NCOA2: variants seen among roughly 807,000 people sequenced by gnomAD.
NCOA2 encodes nuclear receptor coactivator 2, also known as class E basic helix-loop-helix protein 75.
In NCOA2, 21 loss-of-function variants were observed where a neutral mutation model predicts 145.1. The observed-to-expected ratio is 0.14, with a 90% CI of 0.10 to 0.21. The LOEUF is 0.21. NCOA2 is among the 10% of genes least tolerant of loss of function. The pLI, the probability that NCOA2 is intolerant of heterozygous loss-of-function variation, is 1.00. For missense variants in NCOA2, 1,472 were observed against 1,837.6 expected, an observed-to-expected ratio of 0.80 and a Z score of 3.64; for synonymous variants, 619 against 637.5, an observed-to-expected ratio of 0.97 and a Z score of 0.44.
intron 13 of NCOA2, among the ~76,000 whole-genome samples, chr8:70,142,359 G>T (rs1810539368): frequency 6.6e-6 from 1 of 152,206 alleles, no homozygotes; most frequent in African/African-American, 2.4e-5. Flanking sequence ...CTTACGAAAT[G>T]AGAATGTGCT....
chr8:70,129,987 C>T (rs1381681977), intron 16 of NCOA2, among the ~76,000 whole-genome samples: 2 of 152,158 alleles, frequency 1.3e-5, no homozygotes, highest in African/African-American at 4.8e-5. Flanking sequence ...TTCTTTAGCT[C>T]AGCGTTGTCC....
At position 70,132,046 on chromosome 8, in the gene NCOA2, T is replaced by C. The variant is rs768975986; in HGVS notation, c.3159-44A>G. On this transcript the variant is annotated intron_variant, in intron 15 of 22. Transcript: ENST00000452400. Reference sequence around the variant, plus strand: ...CACCTTGGGCCAATGGAAAAGCTAGTTGATTAGAGAACAAATTCTTTATCT... The same window carrying C: ...CACCTTGGGCCAATGGAAAAGCTAGCTGATTAGAGAACAAATTCTTTATCT... 15 of 1,570,418 alleles carry C rather than the reference T, an allele frequency of 9.6e-6. No homozygotes were observed. In the East Asian group the frequency reaches 1.8e-4, roughly 19 times the overall value.
rs552442102 is a variant in NCOA2 at position 70,273,324 on chromosome 8, C to T, written c.-20+23420G>A. ...TCTCAGCTGGTTCCCCCGAGACCCC[C>T]TGAGCACCAACCCTAGTCCCCCGCG... is the stretch of plus-strand genomic sequence containing the variant. On this transcript the variant is annotated intron_variant, in intron 2 of 22. Transcript: ENST00000452400. 1.6e-5 allele frequency: 5 copies of T among 319,094 alleles called. No individual in the cohort carries two copies. In the East Asian group the frequency reaches 3.4e-4, roughly 22 times the overall value. 19.8% of individuals were successfully genotyped at this position (319,094 alleles called of 1,614,324 possible). A position where few individuals can be genotyped will look rare whatever the true frequency, so the allele number is the denominator to read the frequency against.
At chr8:70,121,274 A>T (rs748094074) in intron 22 of NCOA2, 28 bp downstream of exon 22, 1 of 1,564,720 alleles carries the variant, frequency 6.4e-7, no homozygotes, top group East Asian at 2.2e-5. Context: ...TTACTTCCAT[A>T]TTCATATATT....
chr8:70,378,736 G>A (rs1811903320), intron 1 of NCOA2, among the ~76,000 whole-genome samples: 1 of 131,534 alleles, frequency 7.6e-6, no homozygotes, highest in Non-Finnish European at 1.6e-5. Context: ...GCACTTGTAG[G>A]CTATGCTAAA....
chr8:70,146,762 C>T (rs1811111094), intron 12 of NCOA2, among the ~76,000 whole-genome samples: 1 of 151,910 alleles, frequency 6.6e-6, no homozygotes, highest in Non-Finnish European at 1.5e-5. Context: ...ATGGCATGAT[C>T]TCAGCTCACT....
the NCOA2 span, among the ~76,000 whole-genome samples, chr8:70,436,210 C>T: frequency 6.6e-6 from 1 of 152,120 alleles, no homozygotes; most frequent in South Asian, 2.1e-4. Flanking sequence ...TAGCCTAATG[C>T]CCAGACGTTG....
At chr8:70,436,432 A>G in the NCOA2 span, among the ~76,000 whole-genome samples, 1 of 152,244 alleles carries the variant, frequency 6.6e-6, no homozygotes, top group East Asian at 1.9e-4. Flanking sequence ...CTTTCACAAC[A>G]TGGTAAAGGC....
At chr8:70,227,094 T>C (rs1369245394) in intron 2 of NCOA2, among the ~76,000 whole-genome samples, 3 of 152,228 alleles carry the variant, frequency 2.0e-5, no homozygotes, top group African/African-American at 4.8e-5. Flanking sequence ...CACGGTTTTG[T>C]TGGCACCCAC....
chr8:70,279,548 C>T (rs565001327), intron 2 of NCOA2, among the ~76,000 whole-genome samples: 45 of 152,288 alleles, frequency 3.0e-4, no homozygotes, highest in African/African-American at 1.1e-3. Flanking sequence ...ACAACACATG[C>T]AAGCAACCCT....
chr8:70,204,139 C>T (rs1054894748), intron 4 of NCOA2, among the ~76,000 whole-genome samples: 6 of 152,008 alleles, frequency 3.9e-5, no homozygotes, highest in Non-Finnish European at 7.4e-5. Flanking sequence ...TCCTGAGTAG[C>T]TGGGATTACA....
chr8:70,233,053 C>T (rs1333822117), intron 2 of NCOA2, among the ~76,000 whole-genome samples: 1 of 151,948 alleles, frequency 6.6e-6, no homozygotes, highest in African/African-American at 2.4e-5. Context: ...GGTGAAATCC[C>T]ATCTCTACTA....
At chr8:70,245,281 C>T (rs1822516280) in intron 2 of NCOA2, 1 of 152,050 alleles carries the variant, frequency 6.6e-6, no homozygotes, top group African/African-American at 2.4e-5. Flanking sequence ...CACACAAATC[C>T]TTTTTTAGCT....
chr8:70,169,480 T>C (rs1813988503), intron 6 of NCOA2, among the ~76,000 whole-genome samples: 1 of 152,192 alleles, frequency 6.6e-6, no homozygotes, highest in East Asian at 1.9e-4. Context: ...ATAATATGCT[T>C]CATGTGCAGG....
the NCOA2 span, among the ~76,000 whole-genome samples, chr8:70,413,210 CACA>C: frequency 6.6e-6 from 1 of 151,908 alleles, no homozygotes; most frequent in Non-Finnish European, 1.5e-5. Flanking sequence ...TTTCTTTACA[CACA>C]ACATTTGCCA....
chr8:70,118,405 G>C (rs536456033), intron 22 of NCOA2, among the ~76,000 whole-genome samples: 5 of 152,264 alleles, frequency 3.3e-5, no homozygotes, highest in Non-Finnish European at 7.3e-5. Context: ...CAGTGGAGGA[G>C]AGAACAGGAT....
chr8:70,264,001 T>C (rs533911424), intron 2 of NCOA2, among the ~76,000 whole-genome samples: 6 of 152,016 alleles, frequency 3.9e-5, no homozygotes, highest in African/African-American at 1.2e-4. Context: ...TCACTTGAGA[T>C]TGGGAGTTTG....
chr8:70,183,678 G>A (rs150676742), intron 4 of NCOA2, among the ~76,000 whole-genome samples: 2 of 152,248 alleles, frequency 1.3e-5, no homozygotes, highest in East Asian at 1.9e-4. Context: ...CTTGGAAGAT[G>A]CCACCACAGC....
At chr8:70,293,681 T>C (rs952978111) in intron 2 of NCOA2, among the ~76,000 whole-genome samples, 3 of 152,194 alleles carry the variant, frequency 2.0e-5, no homozygotes, top group Non-Finnish European at 4.4e-5. Context: ...CTTTCTGTAG[T>C]GAAAGGAAAA....
Sources: gnomAD v4.1 joint callset for allele counts (sites outside exome capture counted in the v4.1 genomes callset) on GRCh38, gnomAD v4.1.1 for gene constraint, MANE v1.5 for transcripts, NCBI Gene and HGNC (gene_info 2026-07-23, HGNC 2026-07-21) for gene names.